RAB11FIP3: variants seen among roughly 807,000 people sequenced by gnomAD.
RAB11FIP3 encodes the protein rab11 family-interacting protein 3.
In RAB11FIP3, 17 loss-of-function variants were observed where a neutral mutation model predicts 77.8. The observed-to-expected ratio is 0.22, with a 90% CI of 0.15 to 0.33. The LOEUF is 0.33. RAB11FIP3 is among the 10% of genes least tolerant of loss of function. The pLI is 1.00. For missense variants in RAB11FIP3, 1,005 were observed against 1,011.2 expected, an observed-to-expected ratio of 0.99 and a Z score of 0.08; for synonymous variants, 437 against 448.2, an observed-to-expected ratio of 0.98 and a Z score of 0.31.
chr16:430,583 C>T (rs2055020170), intron 1 of RAB11FIP3, among the ~76,000 whole-genome samples: 1 of 152,168 alleles, frequency 6.6e-6, no homozygotes, highest in South Asian at 2.1e-4. Context: ...GAGACAGGAT[C>T]TCACTCTGTC....
At chr16:493,612 T>C (rs1221625713) in intron 5 of RAB11FIP3, among the ~76,000 whole-genome samples, 1 of 152,172 alleles carries the variant, frequency 6.6e-6, no homozygotes, top group Non-Finnish European at 1.5e-5. Context: ...ATATTTTCTT[T>C]TTTCTTTTTT....
chr16:456,974 C>G (rs897255089), intron 1 of RAB11FIP3, among the ~76,000 whole-genome samples: 2 of 151,920 alleles, frequency 1.3e-5, no homozygotes, highest in Non-Finnish European at 2.9e-5. Context: ...TCTCCCTGCC[C>G]ACGCTGGCCC....
At chr16:454,481 G>A (rs2055463097) in intron 1 of RAB11FIP3, among the ~76,000 whole-genome samples, 1 of 152,168 alleles carries the variant, frequency 6.6e-6, no homozygotes, top group Non-Finnish European at 1.5e-5. Flanking sequence ...GGAGGCTGAG[G>A]CAAGAGGATT....
chr16:490,877 C>G lies in RAB11FIP3; in HGVS notation c.1265+1877C>G, dbSNP rs150760870. On this transcript the variant is annotated intron_variant, in intron 5 of 13. Transcript: ENST00000262305. ...CTGCCCCTGCTTTCTTCTGGGCACCCGACCCAGAGGAGCAGGTGTGTGCAG... is the reference window on the plus strand; with the variant it reads ...CTGCCCCTGCTTTCTTCTGGGCACCGGACCCAGAGGAGCAGGTGTGTGCAG... Among the ~76,000 whole-genome samples the G allele has an allele frequency of 5.7e-4, 87 of 152,320 alleles. 1 individual carries two copies. The South Asian group carries it at 6.4e-3, about 11-fold the overall frequency.
intron 1 of RAB11FIP3, among the ~76,000 whole-genome samples, chr16:455,232 C>T (rs1011529801): frequency 1.3e-5 from 2 of 151,734 alleles, no homozygotes; most frequent in African/African-American, 4.8e-5. Flanking sequence ...GTAATCCCAG[C>T]ACTTTGGGAG....
chr16:495,051 C>CACATGAGCCGGG (rs1567395380), intron 5 of RAB11FIP3, among the ~76,000 whole-genome samples: 32 of 95,610 alleles, frequency 3.3e-4, no homozygotes, highest in Admixed American at 8.2e-4. Flanking sequence ...GAGGCTGCAG[C>CACATGAGCCGGG]GAGCTGTGGT....
At chr16:492,406 C>A (rs1241637000) in intron 5 of RAB11FIP3, among the ~76,000 whole-genome samples, 1 of 143,682 alleles carries the variant, frequency 7.0e-6, no homozygotes, top group African/African-American at 2.6e-5. Context: ...CCGGGAGACC[C>A]GAGGCCGCCC....
At chr16:518,858 C>T (rs1054031500) in intron 9 of RAB11FIP3, 85 bp from the exon 10 acceptor site, 1 of 1,435,108 alleles carries the variant, frequency 7.0e-7, no homozygotes. Context: ...GCGGCCCCAG[C>T]AGGGTTTCCC....
At chr16:475,093 C>G in intron 3 of RAB11FIP3, 1 of 1,551,380 alleles carries the variant, frequency 6.4e-7, no homozygotes, top group South Asian at 1.2e-5. Context: ...GGGCCAGCAT[C>G]TGAGGGTAAG....
chr16:428,303 T>C (rs993800645), intron 1 of RAB11FIP3, among the ~76,000 whole-genome samples: 1 of 152,292 alleles, frequency 6.6e-6, no homozygotes, highest in South Asian at 2.1e-4. Flanking sequence ...GATACTTTCC[T>C]GTATGGTCAG....
At chr16:457,376 C>T (rs1308267083) in intron 1 of RAB11FIP3, among the ~76,000 whole-genome samples, 1 of 152,158 alleles carries the variant, frequency 6.6e-6, no homozygotes, top group Non-Finnish European at 1.5e-5. Flanking sequence ...CATGGTGTTT[C>T]TGTAACTTAT....
chr16:441,412 T>C (rs1465932840), intron 1 of RAB11FIP3, among the ~76,000 whole-genome samples: 1 of 152,230 alleles, frequency 6.6e-6, no homozygotes, highest in Non-Finnish European at 1.5e-5. Flanking sequence ...TGTCGACCTC[T>C]GGCATGTTCT....
At position 471,195 on chromosome 16, in the gene RAB11FIP3, T is replaced by C; in HGVS notation, c.809-100T>C. The stretch of plus-strand genomic sequence containing the variant: ...AGGGCCCCCAACTCCCACACATCTG[T>C]CCCTGGGGGCCTCCTTCCCAGGGAG... On this transcript the variant is annotated intron_variant, in intron 2 of 13. Coordinates refer to ENST00000262305, the MANE Select transcript of RAB11FIP3 (RefSeq NM_014700.4). The surrounding 1 kb of genome is among the most constrained non-coding windows in gnomAD (Gnocchi z 4.4). 1 of 959,484 alleles carries C rather than the reference T, an allele frequency of 1.0e-6. No homozygotes were observed. The highest frequency in any genetic ancestry group is 1.6e-6 in the Non-Finnish European group (1 of 611,438). The allele number at this position is 959,484 out of a possible 1,614,324, so 59.4% of individuals were successfully genotyped here. A position where few individuals can be genotyped will look rare whatever the true frequency, so the allele number is the denominator to read the frequency against.
Position 461,497 on chromosome 16 carries a change from G to A in RAB11FIP3, c.808G>A (p.Asp270Asn). 6.2e-7 allele frequency: 1 copy of A among 1,612,208 alleles called. No homozygotes were observed. Among genetic ancestry groups the A allele is most frequent in the Non-Finnish European group, 8.5e-7 (1 of 1,179,084 alleles). Residue 270 changes from aspartate to asparagine, a missense_variant and splice_region_variant, in exon 2 of 14, where the codon GAT becomes AAT. Physicochemically the swap from Asp to Asn is conservative, Grantham distance 23. Coordinates refer to ENST00000262305, the MANE Select transcript of RAB11FIP3 (RefSeq NM_014700.4). The surrounding 1 kb of genome is among the most constrained non-coding windows in gnomAD (Gnocchi z 4.5). ...AGGGATCACAGCCATCAGAAACGGA[G>A]GTCAGTCATCCCCGCCATGAGCTCC... The part of the protein sequence containing the change: ...YQGITAIRNG[D>N]PDGQCYGGVA...
chr16:514,075 G>T lies in RAB11FIP3; in HGVS notation c.1640+3275G>T, dbSNP rs2032302518. 6.6e-6 allele frequency among the ~76,000 whole-genome samples: 1 copy of T among 152,222 alleles called. No individual in the cohort carries two copies. The highest frequency in any genetic ancestry group is 2.1e-4 in the South Asian group (1 of 4,836). ...GATAGGGGTCTCACGAGGCCCTCAG[G>T]GAGCAAGCAGGGCCCAGTGTCACTG... On this transcript the variant is annotated intron_variant, in intron 9 of 13. Coordinates refer to ENST00000262305, the MANE Select transcript of RAB11FIP3 (RefSeq NM_014700.4). This position sits in a 1 kb window ranked among gnomAD's most constrained non-coding sequence, Gnocchi z 4.6.
At chr16:450,022 G>T (rs574847529) in intron 1 of RAB11FIP3, among the ~76,000 whole-genome samples, 45 of 152,242 alleles carry the variant, frequency 3.0e-4, no homozygotes, top group Non-Finnish European at 5.6e-4. Flanking sequence ...CACAGGCCTT[G>T]CCCACACTCA....
At chr16:510,263 T>G (rs1035771433) in intron 8 of RAB11FIP3, among the ~76,000 whole-genome samples, 1 of 152,162 alleles carries the variant, frequency 6.6e-6, no homozygotes, top group African/African-American at 2.4e-5. Context: ...TCCGTGCCTC[T>G]GGGCTCTGAG....
At chr16:477,623 G>T in intron 3 of RAB11FIP3, 1 of 985,456 alleles carries the variant, frequency 1.0e-6, no homozygotes, top group South Asian at 4.7e-5. Context: ...CCTGGGCCCT[G>T]CCGTCCTGCA....
intron 7 of RAB11FIP3, among the ~76,000 whole-genome samples, chr16:504,146 C>CG (rs1433950535): frequency 5.7e-5 from 4 of 70,788 alleles, no homozygotes; most frequent in Middle Eastern, 7.7e-3. Flanking sequence ...CTCCTGTACC[C>CG]CCTCACCTCC....
Sources: gnomAD v4.1 joint callset for allele counts (sites outside exome capture counted in the v4.1 genomes callset) on GRCh38, gnomAD v4.1.1 for gene constraint, Gnocchi (gnomAD v3.1) non-coding constraint, MANE v1.5 for transcripts, NCBI Gene and HGNC (gene_info 2026-07-23, HGNC 2026-07-21) for gene names.